Variants in EXOC7 observed in about 807,000 individuals in gnomAD.
EXOC7 encodes the protein exocyst complex component Exo70.
EXOC7 carries 51 observed loss-of-function variants against 87.6 expected under a neutral mutation model. That is an observed-to-expected ratio of 0.58 (90% CI 0.46 to 0.73). EXOC7 has a LOEUF of 0.73. Among genes scored for constraint, EXOC7 ranks in the 30% least tolerant of loss-of-function variants. The pLI, the probability that EXOC7 is intolerant of heterozygous loss-of-function variation, is 0.00. For missense variants in EXOC7, 744 were observed against 888.4 expected (o/e 0.84, Z 2.07); for synonymous variants, 327 against 357.1 (o/e 0.92, Z 0.95).
Position 76,083,622 on chromosome 17 carries a change from G to A in EXOC7, c.*26C>T. The stretch of plus-strand genomic sequence containing the variant: ...CTGTCCAATGACACGCCAGTCTGGT[G>A]GAACCAGGCAGGGCTAGCAGCAGGC... On this transcript the variant is annotated 3_prime_UTR_variant, in exon 19 of 19. Coordinates refer to ENST00000589210, the MANE Select transcript of EXOC7 (RefSeq NM_001013839.4). 1.2e-6 allele frequency: 2 copies of A among 1,604,516 alleles called. No individual in the cohort carries two copies. The highest frequency in any genetic ancestry group is 1.7e-6 in the Non-Finnish European group (2 of 1,171,474).
At position 76,094,522 on chromosome 17, in the gene EXOC7, G is replaced by C; in HGVS notation, c.700C>G (p.Leu234Val). ...SSQLDRSIKG[L>V]KEHFHKSSSS... is the part of the protein sequence containing the mutation. ...CTGCTCTTATGGAAATGCTCCTTCAGTCCTTTGATGGAGCGGTCCAGCTGG... is the reference window on the plus strand; with the variant it reads ...CTGCTCTTATGGAAATGCTCCTTCACTCCTTTGATGGAGCGGTCCAGCTGG... Residue 234 changes from leucine (L) to valine (V), a missense_variant, in exon 6 of 19, where the codon CTG (leucine) becomes GTG (valine). This residue lies in a region of EXOC7 where 512 missense variants were observed against 573.0 expected (regional missense o/e 0.89). Coordinates refer to ENST00000589210, the MANE Select transcript of EXOC7 (RefSeq NM_001013839.4). 1 of 1,614,058 alleles carries C rather than the reference G, an allele frequency of 6.2e-7. No homozygotes were observed. The highest frequency in any genetic ancestry group is 8.5e-7 in the Non-Finnish European group (1 of 1,179,968).
At chr17:76,098,657 C>T (rs12952339) in intron 4 of EXOC7, among the ~76,000 whole-genome samples, 4,556 of 150,854 alleles carry the variant, frequency 0.03, 143 homozygotes, top group African/African-American at 0.077. Flanking sequence ...GTCAGGAGAT[C>T]GAGACCATCC....
chr17:76,103,030 G>A (rs192004961), intron 2 of EXOC7: 37 of 274,598 alleles, frequency 1.3e-4, no homozygotes, highest in Admixed American at 6.9e-4. Flanking sequence ...CCTGGGCAGA[G>A]AGTCCACTGA....
intron 15 of EXOC7, chr17:76,085,077 C>G (rs1188290421): frequency 3.6e-6 from 2 of 561,002 alleles, no homozygotes; most frequent in African/African-American, 3.8e-5. Context: ...CATTCTTAGC[C>G]TTGACACTTG....
At chr17:76,103,336 C>G (rs2068168268) in intron 2 of EXOC7, 25 bp downstream of exon 2, 1 of 1,572,248 alleles carries the variant, frequency 6.4e-7, no homozygotes, top group South Asian at 1.2e-5. Context: ...GGCCTGCCCT[C>G]TCCCCCAGCT....
intron 2 of EXOC7, among the ~76,000 whole-genome samples, chr17:76,102,405 T>C (rs977418481): frequency 6.0e-5 from 8 of 132,992 alleles, no homozygotes; most frequent in African/African-American, 2.4e-4. Context: ...TGAGACCCTG[T>C]CTACACACAC....
chr17:76,097,776 G>T lies in EXOC7; in HGVS notation c.640+20C>A, dbSNP rs754868537. 2.6e-6 allele frequency: 4 copies of T among 1,562,120 alleles called. No individual in the cohort carries two copies. Among genetic ancestry groups the T allele is most frequent in the Non-Finnish European group, 3.5e-6 (4 of 1,137,390 alleles). ...CCCTCTGCCTCTGGTGTGTCATGTG[G>T]CCAAGCCAGAATCCCTTACCTTGGT... On this transcript the variant is annotated intron_variant, in intron 5 of 18. Coordinates refer to ENST00000589210, the MANE Select transcript of EXOC7 (RefSeq NM_001013839.4).
intron 3 of EXOC7, 55 bp from the exon 4 acceptor site, chr17:76,101,431 A>C: frequency 6.3e-7 from 1 of 1,596,112 alleles, no homozygotes; most frequent in Non-Finnish European, 8.5e-7. Flanking sequence ...AGAAGGACTA[A>C]GGACACAGTA....
At position 76,098,000 on chromosome 17, in the gene EXOC7, C is replaced by A; in HGVS notation, c.436G>T (p.Gly146Trp). ...AATTCGGACTCCAGGGCCTCCTTCC[C>A]GCGCTCAAAGAGCAGTTTCTGCACA... ...LNKVKLLFERGKEALESEFRS... is the reference protein window; with the variant it reads ...LNKVKLLFERWKEALESEFRS... Residue 146 changes from glycine (G) to tryptophan (W), a missense_variant, in exon 5 of 19, where the codon GGG becomes TGG. Gly to Trp is a radical substitution (Grantham distance 184, BLOSUM62 -2). This residue lies in a region of EXOC7 where 512 missense variants were observed against 573.0 expected (regional missense o/e 0.89). Coordinates refer to ENST00000589210, the MANE Select transcript of EXOC7 (RefSeq NM_001013839.4). 1 of 1,614,172 alleles carries A rather than the reference C, an allele frequency of 6.2e-7. No individual in the cohort carries two copies. The highest frequency in any genetic ancestry group is 8.5e-7 in the Non-Finnish European group (1 of 1,180,030).
intron 5 of EXOC7, among the ~76,000 whole-genome samples, chr17:76,097,590 G>A (rs1186633308): frequency 6.7e-6 from 1 of 150,208 alleles, no homozygotes; most frequent in Non-Finnish European, 1.5e-5. Context: ...AGTAATCCCA[G>A]CTACTCGGGA....
chr17:76,085,012 C>T, intron 15 of EXOC7: 1 of 483,996 alleles, frequency 2.1e-6, no homozygotes, highest in Non-Finnish European at 3.7e-6. Flanking sequence ...CTCTCGCGAC[C>T]TTGCTCTTCT....
chr17:76,088,027 C>T (rs1210392216), intron 11 of EXOC7, 33 bp downstream of exon 11: 2 of 1,612,798 alleles, frequency 1.2e-6, no homozygotes, highest in Non-Finnish European at 1.7e-6. Flanking sequence ...CCTCCTTCCT[C>T]CCCTCTCCCT....
chr17:76,083,683 C>G lies in EXOC7; in HGVS notation c.2020G>C (p.Asp674His). 6.2e-7 allele frequency: 1 copy of G among 1,613,866 alleles called. No homozygotes were observed. The highest frequency in any genetic ancestry group is 1.1e-5 in the South Asian group (1 of 91,062). ...GTGTCGAAAAGGCGATCGATCATGT[C>G]GCCCACCTGCTCCACCCCGTACTTG... ...YIKYGVEQVG[D>H]MIDRLFDTSA Residue 674 changes from aspartate (D) to histidine (H), a missense_variant, in exon 19 of 19, where the codon GAC becomes CAC. Physicochemically the swap from Asp to His is moderately conservative, Grantham distance 81. This residue lies in a region of EXOC7 where 228 missense variants were observed against 298.6 expected (regional missense o/e 0.76). Coordinates refer to ENST00000589210, the MANE Select transcript of EXOC7 (RefSeq NM_001013839.4).
At chr17:76,094,655 T>A in intron 5 of EXOC7, 74 bp from the exon 6 acceptor site, 3 of 1,443,166 alleles carry the variant, frequency 2.1e-6, no homozygotes, top group Non-Finnish European at 2.8e-6. Flanking sequence ...CATGTCTACC[T>A]GTCAAACCTG....
At chr17:76,101,657 C>G (rs1006097976) in intron 3 of EXOC7, 22 bp downstream of exon 3, 2 of 1,593,902 alleles carry the variant, frequency 1.3e-6, no homozygotes, top group Non-Finnish European at 1.7e-6. Flanking sequence ...AGGAATTGAC[C>G]CTCTGGGCCT....
rs150713699 is a variant in EXOC7 at position 76,092,121 on chromosome 17, AG to A, written c.809-887del. Reference sequence around the variant, plus strand: ...CAGCTGCCTTGTTAACAAAATGTATAGGGGCAGAAAGGCACCCGGGATGCCT... The same window carrying A: ...CAGCTGCCTTGTTAACAAAATGTATAGGGCAGAAAGGCACCCGGGATGCCT... On this transcript the variant is annotated intron_variant, in intron 6 of 18. Coordinates refer to ENST00000589210, the MANE Select transcript of EXOC7 (RefSeq NM_001013839.4). 5.8e-3 allele frequency among the ~76,000 whole-genome samples: 877 copies of A among 152,138 alleles called. 7 individuals carry two copies. The highest frequency in any genetic ancestry group is 0.02 in the African/African-American group (825 of 41,498).
At chr17:76,091,313 T>C (rs2067470132) in intron 6 of EXOC7, 78 bp from the exon 7 acceptor site, 1 of 1,257,492 alleles carries the variant, frequency 8.0e-7, no homozygotes, top group Non-Finnish European at 1.2e-6. Context: ...GCCCTCCACC[T>C]GCCCCCCAGG....
chr17:76,097,576 C>T lies in EXOC7; in HGVS notation c.640+220G>A, dbSNP rs547191752. Among the ~76,000 whole-genome samples, 19 of 151,914 alleles carry T rather than the reference C, an allele frequency of 1.3e-4. No individual in the cohort carries two copies. The South Asian group carries it at 4.0e-3, about 32-fold the overall frequency. ...AAACTTAGCCAGGCATGGTGGCATG[C>T]GCCAGTAATCCCAGCTACTCGGGAG... On this transcript the variant is annotated intron_variant, in intron 5 of 18. Coordinates refer to ENST00000589210, the MANE Select transcript of EXOC7 (RefSeq NM_001013839.4).
In EXOC7 at chr17:76,081,876, C is replaced by T. The variant is rs772689861; in HGVS notation, c.*1772G>A. ...TGAGCATCTCCCTGTGCCCTGCCTC[C>T]CCCAGTTTACTACTTCACCATCCTG... On this transcript the variant is annotated 3_prime_UTR_variant, in exon 19 of 19. Transcript: ENST00000589210. 1 of 1,608,598 alleles carries T rather than the reference C, an allele frequency of 6.2e-7. No individual in the cohort carries two copies. The highest frequency in any genetic ancestry group is 8.5e-7 in the Non-Finnish European group (1 of 1,176,280).
Sources: gnomAD v4.1 joint callset for allele counts (sites outside exome capture counted in the v4.1 genomes callset) on GRCh38, gnomAD v4.1.1 for gene constraint, gnomAD v4.1.1 regional missense constraint, MANE v1.5 for transcripts, NCBI Gene and HGNC (gene_info 2026-07-23, HGNC 2026-07-21) for gene names.